ZNF783: variants seen among roughly 807,000 people sequenced by gnomAD.
ZNF783 encodes the protein protein ZNF783.
Under a neutral mutation model 31.3 loss-of-function variants are expected in ZNF783, and 25 were observed. The observed-to-expected ratio is 0.80, with a 90% CI of 0.58 to 1.11. The LOEUF is 1.11. Ranked by LOEUF, ZNF783 falls within the 50% of genes most tolerant of loss-of-function variation. The pLI, the probability that ZNF783 is intolerant of heterozygous loss-of-function variation, is 0.00. For missense variants in ZNF783, 797 were observed against 760.0 expected (o/e 1.05, Z -0.57); for synonymous variants, 369 against 319.1 (o/e 1.16, Z -1.66).
At chr7:149,268,975 G>T (rs924872453) in intron 4 of ZNF783, among the ~76,000 whole-genome samples, 1 of 152,176 alleles carries the variant, frequency 6.6e-6, no homozygotes, top group East Asian at 1.9e-4. Context: ...TAACAGGATT[G>T]CTGGGTCAAA....
intron 4 of ZNF783, among the ~76,000 whole-genome samples, chr7:149,272,366 AAATG>A (rs1347667894): frequency 1.3e-5 from 2 of 152,224 alleles, no homozygotes; most frequent in Non-Finnish European, 2.9e-5. Flanking sequence ...GTCAAAAGGT[AAATG>A]AATATGTTAT....
At position 149,281,727 on chromosome 7, in the gene ZNF783, C is replaced by A. The variant is rs1290097133; in HGVS notation, c.1025C>A (p.Ser342Tyr). ...AGTGGGGAGACGCCCCGAGTCCTCT[C>A]CCGCAGGCGGCAGCGGGCATTCCCC... ...GASGETPRVL[S>Y]RRRQRAFPCP... The change falls in exon 6 of 6, where the codon TCC becomes TAC. Residue 342 changes from serine to tyrosine, a missense_variant. Coordinates refer to ENST00000434415, the MANE Select transcript of ZNF783 (RefSeq NM_001195220.2). 1 of 1,482,212 alleles carries A rather than the reference C, an allele frequency of 6.7e-7. No individual in the cohort carries two copies. The highest frequency in any genetic ancestry group is 8.9e-7 in the Non-Finnish European group (1 of 1,125,586). 91.8% of individuals were successfully genotyped at this position (1,482,212 alleles called of 1,614,324 possible). A position where few individuals can be genotyped will look rare whatever the true frequency, so the allele number is the denominator to read the frequency against.
rs146807473 is a variant in ZNF783, at chr7:149,273,193, A to G, written c.674-5206A>G. ...TGATTTCAAATCTTGACTATTGTGAATAATGCTGCAGTAAACATGGGAGTG... is the reference window on the plus strand; with the variant it reads ...TGATTTCAAATCTTGACTATTGTGAGTAATGCTGCAGTAAACATGGGAGTG... On this transcript the variant is annotated intron_variant, in intron 4 of 5. Coordinates refer to ENST00000434415, the MANE Select transcript of ZNF783 (RefSeq NM_001195220.2). Among the ~76,000 whole-genome samples the G allele has an allele frequency of 3.0e-3, 461 of 152,312 alleles. 2 individuals are homozygous for G. The highest frequency in any genetic ancestry group is 0.011 in the African/African-American group (440 of 41,568).
chr7:149,267,056 T>C (rs775408773), intron 3 of ZNF783, 41 bp from the exon 4 acceptor site: 4 of 1,607,316 alleles, frequency 2.5e-6, no homozygotes, highest in Non-Finnish European at 3.4e-6. Flanking sequence ...TCTGTGGGCA[T>C]GTGGGGTCCA....
chr7:149,264,011 T>G (rs1430652893), intron 1 of ZNF783, among the ~76,000 whole-genome samples: 1 of 152,136 alleles, frequency 6.6e-6, no homozygotes, highest in African/African-American at 2.4e-5. Flanking sequence ...TCACTACCTT[T>G]CAGATCACTC....
At chr7:149,268,154 G>C (rs1370139399) in intron 4 of ZNF783, among the ~76,000 whole-genome samples, 1 of 152,160 alleles carries the variant, frequency 6.6e-6, no homozygotes, top group Non-Finnish European at 1.5e-5. Flanking sequence ...GCTGGGTTTT[G>C]CCACATGCGC....
intron 5 of ZNF783, among the ~76,000 whole-genome samples, 174 bp downstream of exon 5, chr7:149,278,701 A>G (rs1486805211): frequency 6.6e-6 from 1 of 152,152 alleles, no homozygotes; most frequent in East Asian, 1.9e-4. Context: ...AGACAGGCCT[A>G]AAAGAAGGTA....
In ZNF783 at chr7:149,283,914, C is replaced by T. The variant is rs752230267; in HGVS notation, c.*1571C>T. 6.6e-6 allele frequency: 1 copy of T among 152,236 alleles called. No homozygotes were observed. The highest frequency in any genetic ancestry group is 2.4e-5 in the African/African-American group (1 of 41,446). The allele number at this position is 152,236 out of a possible 1,614,324, so 9.4% of individuals were successfully genotyped here. ...AGAATCCCTCAGGAAGGACCTTTAT[C>T]TTCTGGAGTGAGTGGCAGTTCCACT... is the stretch of plus-strand genomic sequence containing the variant. On this transcript the variant is annotated 3_prime_UTR_variant, in exon 6 of 6. Coordinates refer to ENST00000434415, the MANE Select transcript of ZNF783 (RefSeq NM_001195220.2).
In ZNF783 at chr7:149,278,479, C is replaced by T. The variant is rs572840599; in HGVS notation, c.754C>T (p.Gln252Ter). 1 of 1,599,376 alleles carries T rather than the reference C, an allele frequency of 6.3e-7. No homozygotes were observed. Among genetic ancestry groups the T allele is most frequent in the African/African-American group, 1.3e-5 (1 of 74,994 alleles). ...GCTGAAAGAAGGGCAGGCCCCCAAG[C>T]AGCAGCAGGACTCAGAGGCGAGAGT... ...EELKEGQAPK[Q>*]QQDSEARVAP... The change falls in exon 5 of 6, where the codon CAG becomes TAG. Residue 252 changes from glutamine to a stop codon, truncating the protein, a stop_gained. Transcript: ENST00000434415. LOFTEE classifies it low-confidence loss of function (END_TRUNC).
At chr7:149,267,865 T>A (rs149902509) in intron 4 of ZNF783, among the ~76,000 whole-genome samples, 2 of 152,192 alleles carry the variant, frequency 1.3e-5, no homozygotes, top group African/African-American at 4.8e-5. Context: ...CATCTTCACG[T>A]GTGTCCATGT....
intron 4 of ZNF783, among the ~76,000 whole-genome samples, chr7:149,272,561 G>GT (rs968239060): frequency 2.1e-4 from 31 of 149,180 alleles, no homozygotes; most frequent in East Asian, 3.9e-4. Context: ...GTGTGGATGA[G>GT]TTTTTTTTTT....
intron 4 of ZNF783, among the ~76,000 whole-genome samples, chr7:149,268,868 T>G (rs1470306567): frequency 6.6e-6 from 1 of 152,248 alleles, no homozygotes; most frequent in Non-Finnish European, 1.5e-5. Flanking sequence ...CCAGGTTGAT[T>G]CCATGTCTTT....
chr7:149,278,563 GT>G, intron 5 of ZNF783, 36 bp downstream of exon 5: 1 of 1,598,234 alleles, frequency 6.3e-7, no homozygotes, highest in Non-Finnish European at 8.5e-7. Flanking sequence ...GATGAACAGT[GT>G]CCCGAGGCAG....
chr7:149,281,962 AG>A lies in ZNF783; in HGVS notation c.1265del (p.Gly422AlafsTer143). 3.8e-6 allele frequency: 6 copies of A among 1,567,918 alleles called. No homozygotes were observed. Among genetic ancestry groups the A allele is most frequent in the Non-Finnish European group, 5.2e-6 (6 of 1,164,230 alleles). On this transcript the variant is annotated frameshift_variant, in exon 6 of 6. Transcript: ENST00000434415. LOFTEE classifies it low-confidence loss of function (END_TRUNC). The stretch of plus-strand genomic sequence containing the variant: ...AGCCTGAGGGTCGCCGCTCCGTGGC[AG>A]GGGGCCGTGCCTTGGTGGGGCGGCG... ...EEPEGRRSVAGGRALVGRRPA... is the reference protein window; with the variant it reads ...EEPEGRRSVAXGRALVGRRPA...
Position 149,262,297 on chromosome 7 carries a change from T to G in ZNF783, c.-37T>G. 7.4e-7 allele frequency: 1 copy of G among 1,357,770 alleles called. No homozygotes were observed. The highest frequency in any genetic ancestry group is 9.5e-7 in the Non-Finnish European group (1 of 1,051,180). 84.1% of individuals were successfully genotyped at this position (1,357,770 alleles called of 1,614,324 possible). On this transcript the variant is annotated 5_prime_UTR_variant, in exon 1 of 6. Coordinates refer to ENST00000434415, the MANE Select transcript of ZNF783 (RefSeq NM_001195220.2). ...GCCGCCCCGGGCCCGACAGGCCGGG[T>G]CCAGGGACTGCAACCCAGCGAGGGA...
chr7:149,273,438 G>A (rs1797255204), intron 4 of ZNF783, among the ~76,000 whole-genome samples: 1 of 152,078 alleles, frequency 6.6e-6, no homozygotes, highest in Admixed American at 6.6e-5. Flanking sequence ...TTGGATAAAA[G>A]ACATCTTAAC....
chr7:149,267,191 A>G lies in ZNF783; in HGVS notation c.642A>G (p.Val214=). The change falls in exon 4 of 6, where the codon GTA becomes GTG. Residue 214 remains valine, a synonymous_variant. Coordinates refer to ENST00000434415, the MANE Select transcript of ZNF783 (RefSeq NM_001195220.2). The part of the protein sequence containing the change: ...DRWGQEKGNE[V]EVGRPRMMGT... Reference sequence around the variant, plus strand: ...GGGGCCAGGAGAAGGGGAATGAAGTAGAGGTGGGACGTCCAAGGATGATGG... The same window carrying G: ...GGGGCCAGGAGAAGGGGAATGAAGTGGAGGTGGGACGTCCAAGGATGATGG... The G allele has an allele frequency of 1.3e-6, 2 of 1,598,750 alleles. No homozygotes were observed. The highest frequency in any genetic ancestry group is 1.1e-5 in the South Asian group (1 of 91,004).
rs1797529245 is a variant in ZNF783 at position 149,283,302 on chromosome 7, C to T, written c.*959C>T. On this transcript the variant is annotated 3_prime_UTR_variant, in exon 6 of 6. Coordinates refer to ENST00000434415, the MANE Select transcript of ZNF783 (RefSeq NM_001195220.2). ...GTGGGTTTTGATGGGGATGTCTTGG[C>T]TGCTGTCTTGGAGGCACAGTGTCTC... 1 of 152,382 alleles carries T rather than the reference C, an allele frequency of 6.6e-6. No homozygotes were observed. Among genetic ancestry groups the T allele is most frequent in the Non-Finnish European group, 1.5e-5 (1 of 68,222 alleles). The allele number at this position is 152,382 out of a possible 1,614,324, so 9.4% of individuals were successfully genotyped here. A position where few individuals can be genotyped will look rare whatever the true frequency, so the allele number is the denominator to read the frequency against.
chr7:149,281,796 C>T lies in ZNF783; in HGVS notation c.1094C>T (p.Thr365Met), dbSNP rs777719517. 374 of 1,517,230 alleles carry T rather than the reference C, an allele frequency of 2.5e-4. No homozygotes were observed. The highest frequency in any genetic ancestry group is 3.1e-4 in the Non-Finnish European group (356 of 1,142,778). 94.0% of individuals were successfully genotyped at this position (1,517,230 alleles called of 1,614,324 possible). A position where few individuals can be genotyped will look rare whatever the true frequency, so the allele number is the denominator to read the frequency against. ...GQSFRLKINL[T>M]IHQRTHVEEG... is the part of the protein sequence containing the mutation. Reference sequence around the variant, plus strand: ...AGCTTCCGCCTGAAGATCAATCTGACGATTCATCAGCGGACCCATGTGGAG... The same window carrying T: ...AGCTTCCGCCTGAAGATCAATCTGATGATTCATCAGCGGACCCATGTGGAG... Residue 365 changes from threonine to methionine, a missense_variant, in exon 6 of 6, where the codon ACG becomes ATG. Thr to Met is a moderately conservative substitution (Grantham distance 81). Transcript: ENST00000434415.
Sources: gnomAD v4.1 joint callset for allele counts (sites outside exome capture counted in the v4.1 genomes callset) on GRCh38, gnomAD v4.1.1 for gene constraint, MANE v1.5 for transcripts, NCBI Gene and HGNC (gene_info 2026-07-23, HGNC 2026-07-21) for gene names.